EGFLAM: variants seen among roughly 807,000 people sequenced by gnomAD.
EGFLAM encodes pikachurin.
A neutral mutation model predicts 113.1 loss-of-function variants in EGFLAM; 79 were observed. The ratio of observed to expected loss-of-function variants is 0.70; its 90% CI spans 0.58 to 0.84. The LOEUF is 0.84. Ranked by LOEUF, EGFLAM falls within the 40% of genes least tolerant of loss-of-function variation. The pLI, the probability that EGFLAM is intolerant of heterozygous loss-of-function variation, is 0.00. For missense variants in EGFLAM, 1,265 were observed against 1,291.6 expected, an observed-to-expected ratio of 0.98 and a Z score of 0.32; for synonymous variants, 504 against 487.6, an observed-to-expected ratio of 1.03 and a Z score of -0.44.
chr5:38,372,970 T>A (rs940537277), intron 6 of EGFLAM, among the ~76,000 whole-genome samples: 3 of 152,230 alleles, frequency 2.0e-5, no homozygotes, highest in African/African-American at 7.2e-5. Context: ...ATTACCTAAT[T>A]ATCAAATAGC....
intron 1 of EGFLAM, among the ~76,000 whole-genome samples, chr5:38,274,168 T>TAAA (rs1757830360): frequency 6.6e-6 from 1 of 150,462 alleles, no homozygotes; most frequent in African/African-American, 2.4e-5. Context: ...AAAGAAAAAA[T>TAAA]GAAAAAAGAA....
chr5:38,382,915 G>A (rs1322624438), intron 6 of EGFLAM, among the ~76,000 whole-genome samples: 1 of 152,172 alleles, frequency 6.6e-6, no homozygotes, highest in Non-Finnish European at 1.5e-5. Context: ...CCAGTGGAAT[G>A]TATCTCCCAT....
In EGFLAM at chr5:38,406,892, C is replaced by A; in HGVS notation, c.893C>A (p.Ser298Tyr). The A allele has an allele frequency of 6.2e-7, 1 of 1,614,194 alleles. No homozygotes were observed. Among genetic ancestry groups the A allele is most frequent in the Non-Finnish European group, 8.5e-7 (1 of 1,180,042 alleles). The stretch of plus-strand genomic sequence containing the variant: ...TTTTTGGTGGAAAGCAAGAAGATGT[C>A]TATATCTAACCCAAAGACCATTTCT... ...KKFLVESKKMSISNPKTISRL... is the reference protein window; with the variant it reads ...KKFLVESKKMYISNPKTISRL... The change falls in exon 8 of 22, where the codon TCT becomes TAT. Residue 298 changes from serine (S) to tyrosine (Y), a missense_variant. By Grantham distance (144) the Ser-to-Tyr change is moderately radical. Transcript: ENST00000322350.
intron 3 of EGFLAM, among the ~76,000 whole-genome samples, chr5:38,349,806 C>T (rs1739570200): frequency 6.7e-6 from 1 of 148,938 alleles, no homozygotes; most frequent in Admixed American, 6.7e-5. Flanking sequence ...CACACACACA[C>T]ACACTTTTAA....
chr5:38,441,261 G>T (rs945009455), intron 17 of EGFLAM, among the ~76,000 whole-genome samples: 6 of 152,128 alleles, frequency 3.9e-5, no homozygotes, highest in African/African-American at 1.4e-4. Context: ...ACTCCCAGCT[G>T]TGACTTCAGG....
rs746562810 is a variant in EGFLAM, at chr5:38,370,382, A to G, written c.632A>G (p.Asn211Ser). The change falls in exon 6 of 22, where the codon AAC (asparagine) becomes AGC (serine). Residue 211 changes from asparagine (N) to serine (S), a missense_variant. Asn to Ser is a conservative substitution (Grantham distance 46). Coordinates refer to ENST00000322350, the MANE Select transcript of EGFLAM (RefSeq NM_152403.4). ...MVIKGLDPDTNYQFAVRAMNS... is the reference protein window; with the variant it reads ...MVIKGLDPDTSYQFAVRAMNS... ...ATCAAGGGCCTCGATCCAGATACCA[A>G]CTACCAGTTTGCCGTGAGGGCAATG... 3.1e-6 allele frequency: 5 copies of G among 1,614,204 alleles called. No homozygotes were observed. Among genetic ancestry groups the G allele is most frequent in the East Asian group, 2.2e-5 (1 of 44,880 alleles).
At chr5:38,356,780 C>G (rs955150952) in intron 5 of EGFLAM, among the ~76,000 whole-genome samples, 3 of 152,174 alleles carry the variant, frequency 2.0e-5, no homozygotes, top group Non-Finnish European at 2.9e-5. Context: ...CAGAGCCTAT[C>G]CCATTATAGG....
intron 9 of EGFLAM, 120 bp downstream of exon 9, chr5:38,408,025 G>C: frequency 1.4e-6 from 1 of 693,382 alleles, no homozygotes; most frequent in South Asian, 1.8e-5. Context: ...AGGTAAATAT[G>C]ACACAGAGCC....
At chr5:38,377,278 C>T (rs1040814242) in intron 6 of EGFLAM, among the ~76,000 whole-genome samples, 3 of 152,058 alleles carry the variant, frequency 2.0e-5, no homozygotes, top group Non-Finnish European at 2.9e-5. Flanking sequence ...GCTGGGATTA[C>T]AAGCACCTGC....
Position 38,438,269 on chromosome 5 carries a change from C to T in EGFLAM, c.2284-6C>T. The T allele has an allele frequency of 6.2e-7, 1 of 1,609,130 alleles. No homozygotes were observed. Among genetic ancestry groups the T allele is most frequent in the Admixed American group, 1.7e-5 (1 of 59,498 alleles). ...CCTGAATTTCTTTATGTTTTTCTCT[C>T]TCAAGATCATCCTGAATGACCGAAC... is the stretch of plus-strand genomic sequence containing the variant. On this transcript the variant is annotated splice_polypyrimidine_tract_variant and splice_region_variant and intron_variant, in intron 16 of 21. Transcript: ENST00000322350.
intron 17 of EGFLAM, chr5:38,445,833 G>C (rs1742691052): frequency 2.0e-6 from 2 of 994,728 alleles, no homozygotes; most frequent in Non-Finnish European, 3.1e-6. Flanking sequence ...AAGCCTCCCC[G>C]CCGGCCAGCC....
At chr5:38,461,150 A>G (rs916406813) in intron 20 of EGFLAM, 1 of 152,186 alleles carries the variant, frequency 6.6e-6, no homozygotes, top group Non-Finnish European at 1.5e-5. Context: ...GATCTCCACA[A>G]TAATCTCGGG....
intron 6 of EGFLAM, among the ~76,000 whole-genome samples, chr5:38,391,370 C>A (rs1291644390): frequency 1.4e-5 from 2 of 139,078 alleles, no homozygotes; most frequent in Non-Finnish European, 3.1e-5. Context: ...GTTTTAATTT[C>A]TTTTTTCTTT....
intron 1 of EGFLAM, chr5:38,305,432 G>A (rs2111840684): frequency 2.2e-6 from 1 of 453,614 alleles, no homozygotes; most frequent in South Asian, 1.6e-5. Flanking sequence ...CTTTTCTCAG[G>A]AAGGTGTTGG....
At chr5:38,373,716 TA>T (rs1228894105) in intron 6 of EGFLAM, among the ~76,000 whole-genome samples, 4 of 152,242 alleles carry the variant, frequency 2.6e-5, no homozygotes, top group African/African-American at 9.6e-5. Context: ...TAGTGCTTCA[TA>T]AACATGCGAG....
chr5:38,331,955 A>G (rs1053176447), intron 1 of EGFLAM, among the ~76,000 whole-genome samples: 2 of 152,208 alleles, frequency 1.3e-5, no homozygotes, highest in South Asian at 2.1e-4. Context: ...ACGAGTGCAC[A>G]TGCCAGTGGT....
At chr5:38,346,996 C>T (rs978043893) in intron 3 of EGFLAM, among the ~76,000 whole-genome samples, 10 of 151,988 alleles carry the variant, frequency 6.6e-5, no homozygotes, top group Non-Finnish European at 1.3e-4. Context: ...GACTGAAGAC[C>T]CAGGCAAAGA....
Position 38,450,373 on chromosome 5 carries a change from G to T in EGFLAM, c.2544-942G>T, listed in dbSNP as rs73077405. On this transcript the variant is annotated intron_variant, in intron 18 of 21. Coordinates refer to ENST00000322350, the MANE Select transcript of EGFLAM (RefSeq NM_152403.4). ...AATGCAAACTTGGTCTCTTCCTGAC[G>T]AGCTCAGGCTCTGGGAAGCCTAGAT... is the stretch of plus-strand genomic sequence containing the variant. 4.9e-3 allele frequency among the ~76,000 whole-genome samples: 748 copies of T among 152,242 alleles called. 4 individuals are homozygous for T. Among genetic ancestry groups the T allele is most frequent in the African/African-American group, 0.017 (708 of 41,518 alleles).
intron 5 of EGFLAM, among the ~76,000 whole-genome samples, chr5:38,363,373 T>A (rs545812319): frequency 6.6e-6 from 1 of 152,128 alleles, no homozygotes; most frequent in Non-Finnish European, 1.5e-5. Flanking sequence ...GAAATATAAT[T>A]CAAGGGGTCC....
Sources: allele counts gnomAD v4.1 joint callset (sites outside exome capture counted in the v4.1 genomes callset), GRCh38; gene constraint gnomAD v4.1.1; transcripts MANE v1.5; gene names NCBI Gene and HGNC (gene_info 2026-07-23, HGNC 2026-07-21).